Variants in LVRN observed in about 807,000 individuals in gnomAD.
LVRN encodes aminopeptidase Q.
LVRN carries 99 observed loss-of-function variants against 111.4 expected under a neutral mutation model. The ratio of observed to expected loss-of-function variants is 0.89; its 90% CI spans 0.76 to 1.05. The LOEUF is 1.05. Ranked by LOEUF, LVRN falls within the 50% of genes least tolerant of loss-of-function variation. The pLI, the probability that LVRN is intolerant of heterozygous loss-of-function variation, is 0.00. For synonymous variants in LVRN, 488 were observed against 449.5 expected (o/e 1.09, Z -1.08); for missense variants, 1,414 against 1,206.8 (o/e 1.17, Z -2.54).
intron 6 of LVRN, among the ~76,000 whole-genome samples, chr5:115,998,006 T>C (rs1165422437): frequency 6.6e-6 from 1 of 152,182 alleles, no homozygotes; most frequent in East Asian, 1.9e-4. Context: ...AGACAATCTG[T>C]TCTGATAGGG....
chr5:115,984,754 C>T (rs1357183952), intron 3 of LVRN, 45 bp downstream of exon 3: 15 of 1,606,022 alleles, frequency 9.3e-6, no homozygotes, highest in Middle Eastern at 1.7e-4. Flanking sequence ...GTACTGGCTG[C>T]AGATTATTCA....
intron 1 of LVRN, among the ~76,000 whole-genome samples, chr5:115,972,059 GT>G (rs1443159545): frequency 2.0e-5 from 3 of 152,044 alleles, no homozygotes. Context: ...TATGAATTCA[GT>G]TGTAAATTCA....
chr5:116,002,912 G>A lies in LVRN; in HGVS notation c.1897+1G>A, dbSNP rs1315432060. ...TTAGTCTGGCTAGATCAAAGCAGCAGTAAGTAACAAATTTTAAAAACATCT... is the reference window on the plus strand; with the variant it reads ...TTAGTCTGGCTAGATCAAAGCAGCAATAAGTAACAAATTTTAAAAACATCT... On this transcript the variant is annotated splice_donor_variant, in intron 11 of 19. Coordinates refer to ENST00000357872, the MANE Select transcript of LVRN (RefSeq NM_173800.5). LOFTEE classifies it high-confidence loss of function. 2 of 1,592,730 alleles carry A rather than the reference G, an allele frequency of 1.3e-6. No individual in the cohort carries two copies.
chr5:116,025,999 A>C lies in LVRN; in HGVS notation c.2854A>C (p.Met952Leu). ...CCAGCTGCAGCAGTTTTTCAGTAAC[A>C]TGTTGGAGGAACACCAGAGGATCAG... Reference protein sequence around the residue: ...IVELQQFFSNMLEEHQRIRVH... With the variant: ...IVELQQFFSNLLEEHQRIRVH... The change falls in exon 20 of 20, where the codon ATG becomes CTG. Residue 952 changes from methionine (M) to leucine (L), a missense_variant. By Grantham distance (15) the Met-to-Leu change is conservative. Transcript: ENST00000357872. The C allele has an allele frequency of 1.2e-6, 2 of 1,613,862 alleles. No homozygotes were observed. The highest frequency in any genetic ancestry group is 1.7e-6 in the Non-Finnish European group (2 of 1,179,844).
At chr5:115,977,383 CT>C in intron 1 of LVRN, among the ~76,000 whole-genome samples, 1 of 152,206 alleles carries the variant, frequency 6.6e-6, no homozygotes, top group Admixed American at 6.5e-5. Flanking sequence ...ATTTGCTTTG[CT>C]TGTTTCTCTT....
chr5:115,998,063 T>C (rs1436373232), intron 6 of LVRN, among the ~76,000 whole-genome samples: 1 of 152,198 alleles, frequency 6.6e-6, no homozygotes, highest in Non-Finnish European at 1.5e-5. Context: ...TGCAAAAACG[T>C]TCATTAAAAC....
At chr5:115,998,404 G>A (rs892768241) in intron 6 of LVRN, among the ~76,000 whole-genome samples, 12 of 152,124 alleles carry the variant, frequency 7.9e-5, no homozygotes, top group African/African-American at 2.7e-4. Flanking sequence ...ACAAGTAAAT[G>A]AGCAAGATAA....
rs61740769 is a variant in LVRN at position 115,962,720 on chromosome 5, G to A, written c.103G>A (p.Ala35Thr). The part of the protein sequence containing the change: ...ALLLALAVLA[A>T]LYGHCERVPP... ...CCTGCTGGCGCTGGCCGTACTCGCC[G>A]CCTTGTACGGCCACTGCGAGCGCGT... is the stretch of plus-strand genomic sequence containing the variant. Residue 35 changes from alanine (A) to threonine (T), a missense_variant, in exon 1 of 20, where the codon GCC becomes ACC. Transcript: ENST00000357872. 9.9e-6 allele frequency: 16 copies of A among 1,611,942 alleles called. No homozygotes were observed. In the East Asian group the frequency reaches 3.6e-4, roughly 36 times the overall value.
At position 116,014,537 on chromosome 5, in the gene LVRN, A is replaced by C. The variant is rs1468832920; in HGVS notation, c.2450+10A>C. The C allele has an allele frequency of 6.3e-7, 1 of 1,597,696 alleles. No individual in the cohort carries two copies. Among genetic ancestry groups the C allele is most frequent in the African/African-American group, 1.3e-5 (1 of 74,538 alleles). On this transcript the variant is annotated intron_variant, in intron 16 of 19. Transcript: ENST00000357872. Reference sequence around the variant, plus strand: ...ATCATCCAGAAAATGAGTAAGAGTAATATCATAATTCCTCTTGTTTTTGTC... The same window carrying C: ...ATCATCCAGAAAATGAGTAAGAGTACTATCATAATTCCTCTTGTTTTTGTC...
intron 4 of LVRN, among the ~76,000 whole-genome samples, 168 bp downstream of exon 4, chr5:115,988,107 G>T (rs1444899263): frequency 6.6e-6 from 1 of 152,078 alleles, no homozygotes; most frequent in Non-Finnish European, 1.5e-5. Context: ...ACACACAGAG[G>T]CTCACCTGCT....
intron 13 of LVRN, among the ~76,000 whole-genome samples, chr5:116,006,929 T>G (rs186243034): frequency 1.1e-3 from 172 of 152,354 alleles, no homozygotes; most frequent in Admixed American, 2.9e-3. Context: ...TTTCCCTGCA[T>G]GTCAAAGTTA....
intron 18 of LVRN, among the ~76,000 whole-genome samples, chr5:116,018,699 T>C (rs1223337539): frequency 6.6e-6 from 1 of 152,114 alleles, no homozygotes; most frequent in Non-Finnish European, 1.5e-5. Context: ...ATATGCTATA[T>C]CTTTTAAACA....
intron 18 of LVRN, chr5:116,021,601 A>G: frequency 6.3e-6 from 2 of 316,748 alleles, no homozygotes; most frequent in South Asian, 2.8e-5. Context: ...AATTTCAAGT[A>G]CATATTTTTG....
intron 7 of LVRN, among the ~76,000 whole-genome samples, 166 bp downstream of exon 7, chr5:116,000,068 C>T (rs1329664899): frequency 6.6e-6 from 1 of 152,148 alleles, no homozygotes; most frequent in African/African-American, 2.4e-5. Flanking sequence ...TTAATTCTCA[C>T]CTTGCAAATA....
intron 3 of LVRN, among the ~76,000 whole-genome samples, chr5:115,986,140 C>T (rs1236023447): frequency 6.6e-6 from 1 of 152,220 alleles, no homozygotes; most frequent in Non-Finnish European, 1.5e-5. Flanking sequence ...CAAATGGCAG[C>T]TTGTTATCTT....
chr5:115,963,896 C>T (rs1561550918), intron 1 of LVRN, among the ~76,000 whole-genome samples: 1 of 152,190 alleles, frequency 6.6e-6, no homozygotes, highest in Non-Finnish European at 1.5e-5. Flanking sequence ...TCGTTCTCTT[C>T]AGAAAGCACC....
intron 1 of LVRN, among the ~76,000 whole-genome samples, chr5:115,968,943 G>A (rs138814056): frequency 1.9e-4 from 29 of 152,264 alleles, no homozygotes; most frequent in East Asian, 1.2e-3. Flanking sequence ...AATTGCAGCC[G>A]GGCTCAGAGG....
In LVRN at chr5:116,010,899, T is replaced by C; in HGVS notation, c.2247+5T>C. 6.5e-7 allele frequency: 1 copy of C among 1,544,946 alleles called. No homozygotes were observed. The highest frequency in any genetic ancestry group is 8.7e-7 in the Non-Finnish European group (1 of 1,149,542). On this transcript the variant is annotated splice_donor_5th_base_variant and intron_variant, in intron 14 of 19. Coordinates refer to ENST00000357872, the MANE Select transcript of LVRN (RefSeq NM_173800.5). ...GATATATACTCATTATTAAAGGTAATTTCATTCTTTCTTATGTAGTTTTTA... is the reference window on the plus strand; with the variant it reads ...GATATATACTCATTATTAAAGGTAACTTCATTCTTTCTTATGTAGTTTTTA...
intron 3 of LVRN, among the ~76,000 whole-genome samples, chr5:115,985,910 T>C (rs1281239955): frequency 6.6e-6 from 1 of 152,164 alleles, no homozygotes; most frequent in Non-Finnish European, 1.5e-5. Context: ...GCTAACATAC[T>C]CTCCTGGGCC....
Sources: allele counts gnomAD v4.1 joint callset (sites outside exome capture counted in the v4.1 genomes callset), GRCh38; gene constraint gnomAD v4.1.1; transcripts MANE v1.5; gene names NCBI Gene and HGNC (gene_info 2026-07-23, HGNC 2026-07-21).